TENM3: variants seen among roughly 807,000 people sequenced by gnomAD.
The protein encoded by TENM3 is teneurin-3.
In TENM3, 63 loss-of-function variants were observed where a neutral mutation model predicts 255.1. That is an observed-to-expected ratio of 0.25 (90% confidence interval 0.20 to 0.30). The LOEUF is 0.30. Among genes scored for constraint, TENM3 ranks in the 10% least tolerant of loss-of-function variants. TENM3 has a pLI of 1.00. For missense variants in TENM3, 2,929 were observed against 3,461.1 expected, an observed-to-expected ratio of 0.85 and a Z score of 3.86; for synonymous variants, 1,306 against 1,322.3, an observed-to-expected ratio of 0.99 and a Z score of 0.27.
chr4:182,068,128 A>G, the TENM3 span, among the ~76,000 whole-genome samples: 2 of 152,140 alleles, frequency 1.3e-5, no homozygotes, highest in East Asian at 3.9e-4. Flanking sequence ...TGGGTGGCAG[A>G]GTGATGATTT....
At chr4:181,836,835 A>C in the TENM3 span, among the ~76,000 whole-genome samples, 4 of 152,282 alleles carry the variant, frequency 2.6e-5, no homozygotes, top group Non-Finnish European at 5.9e-5. Flanking sequence ...GTTACACTAA[A>C]TCCATAGTTC....
At chr4:182,623,750 T>C (rs1016744361) in intron 4 of TENM3, among the ~76,000 whole-genome samples, 4 of 152,154 alleles carry the variant, frequency 2.6e-5, no homozygotes, top group African/African-American at 9.7e-5. Flanking sequence ...TGTTACACTC[T>C]TCTCCACTAA....
chr4:181,970,708 G>C, the TENM3 span, among the ~76,000 whole-genome samples: 10 of 152,110 alleles, frequency 6.6e-5, no homozygotes, highest in African/African-American at 2.4e-4. Flanking sequence ...TTGGATTTTT[G>C]TCTCAGCATT....
chr4:182,417,427 T>G (rs1359336156), intron 3 of TENM3, among the ~76,000 whole-genome samples: 1 of 152,216 alleles, frequency 6.6e-6, no homozygotes, highest in African/African-American at 2.4e-5. Context: ...AGCAAAAAGT[T>G]ATCTAACCCT....
At chr4:182,467,576 G>A (rs1038453119) in intron 3 of TENM3, among the ~76,000 whole-genome samples, 3 of 152,120 alleles carry the variant, frequency 2.0e-5, no homozygotes, top group African/African-American at 7.2e-5. Context: ...GAGGAATGAT[G>A]CATGAGATCC....
At chr4:181,456,105 GTGTGTGTGTATATATATATATA>G in the TENM3 span, among the ~76,000 whole-genome samples, 2 of 117,654 alleles carry the variant, frequency 1.7e-5, no homozygotes, top group Non-Finnish European at 3.6e-5. Context: ...ATGTGTGTGT[GTGTGTGTGTATATATATATATA>G]TGTGTGTGTG....
chr4:182,475,287 A>T (rs542520586), intron 3 of TENM3, among the ~76,000 whole-genome samples: 108 of 152,230 alleles, frequency 7.1e-4, no homozygotes, highest in African/African-American at 2.5e-3. Context: ...TTATTTTTTA[A>T]AAAATTATTC....
intron 3 of TENM3, among the ~76,000 whole-genome samples, chr4:182,413,555 GC>G (rs1329978473): frequency 1.3e-5 from 2 of 151,962 alleles, no homozygotes; most frequent in Non-Finnish European, 2.9e-5. Flanking sequence ...AGCGGAGGTT[GC>G]AGTGAGTCAA....
chr4:182,544,670 G>A (rs186011727), intron 3 of TENM3, among the ~76,000 whole-genome samples: 1 of 152,076 alleles, frequency 6.6e-6, no homozygotes, highest in African/African-American at 2.4e-5. Flanking sequence ...AATAAAAGTT[G>A]TGTTGCTCAT....
At chr4:182,358,140 G>A (rs1765695360) in intron 3 of TENM3, among the ~76,000 whole-genome samples, 1 of 151,974 alleles carries the variant, frequency 6.6e-6, no homozygotes, top group Admixed American at 6.6e-5. Flanking sequence ...AGAGTTTGAA[G>A]TCAGGTAGCG....
intron 5 of TENM3, among the ~76,000 whole-genome samples, chr4:182,639,629 G>A (rs1378415934): frequency 6.6e-6 from 1 of 152,092 alleles, no homozygotes. Context: ...TAAGGTTTAA[G>A]AATTTATAGA....
the TENM3 span, among the ~76,000 whole-genome samples, chr4:182,088,851 AAGAG>A: frequency 7.3e-5 from 11 of 150,562 alleles, no homozygotes; most frequent in Admixed American, 7.3e-4. Flanking sequence ...AAAAAAAAAA[AAGAG>A]AGAGACAGCC....
rs1489579072 is a variant in TENM3 at position 182,652,661 on chromosome 4, C to T, written c.989-1110C>T. Among the ~76,000 whole-genome samples, 3 of 152,158 alleles carry T rather than the reference C, an allele frequency of 2.0e-5. 1 individual carries two copies. Among genetic ancestry groups the T allele is most frequent in the South Asian group, 4.1e-4 (2 of 4,828 alleles). On this transcript the variant is annotated intron_variant, in intron 5 of 27. Coordinates refer to ENST00000511685, the MANE Select transcript of TENM3 (RefSeq NM_001080477.4). ...TCCATGTACTGTAGCAGGTCAGTGCCGTTACTTTATGTATTGGATCTGAAG... is the reference window on the plus strand; with the variant it reads ...TCCATGTACTGTAGCAGGTCAGTGCTGTTACTTTATGTATTGGATCTGAAG...
intron 1 of TENM3, among the ~76,000 whole-genome samples, chr4:182,172,136 G>A (rs914987774): frequency 4.0e-5 from 6 of 151,816 alleles, no homozygotes; most frequent in African/African-American, 1.5e-4. Context: ...TGTCTGTCGT[G>A]TTGTACATGG....
At chr4:182,356,523 G>C (rs952220549) in intron 3 of TENM3, among the ~76,000 whole-genome samples, 10 of 151,930 alleles carry the variant, frequency 6.6e-5, no homozygotes, top group South Asian at 2.1e-4. Flanking sequence ...TGCATAATTG[G>C]AGGACATTTC....
At chr4:181,902,066 G>T in the TENM3 span, among the ~76,000 whole-genome samples, 1 of 151,476 alleles carries the variant, frequency 6.6e-6, no homozygotes, top group Non-Finnish European at 1.5e-5. Context: ...ATAAAAATCT[G>T]GGAGTCCATA....
chr4:181,641,358 G>C, the TENM3 span, among the ~76,000 whole-genome samples: 2 of 150,916 alleles, frequency 1.3e-5, no homozygotes, highest in African/African-American at 4.9e-5. Context: ...GGCAGGGCCC[G>C]GTGTGTGACG....
chr4:182,749,805 T>C (rs1030113371), intron 19 of TENM3, among the ~76,000 whole-genome samples: 9 of 152,168 alleles, frequency 5.9e-5, no homozygotes, highest in African/African-American at 2.2e-4. Flanking sequence ...AGTGTATGCA[T>C]ACCATGTACA....
the TENM3 span, among the ~76,000 whole-genome samples, chr4:181,673,999 A>C: frequency 6.6e-6 from 1 of 151,774 alleles, no homozygotes; most frequent in African/African-American, 2.4e-5. Context: ...TCTTTTCTTT[A>C]TTTATTGGGG....
Sources: allele counts gnomAD v4.1 joint callset (sites outside exome capture counted in the v4.1 genomes callset), GRCh38; gene constraint gnomAD v4.1.1; transcripts MANE v1.5; gene names NCBI Gene and HGNC (gene_info 2026-07-23, HGNC 2026-07-21).